The following MTFR1L variants were observed in gnomAD, a reference collection of about 807,000 sequenced individuals.
MTFR1L encodes the protein mitochondrial fission regulator 1 like, also known as mitochondrial fission regulator 1-like.
In MTFR1L, 10 loss-of-function variants were observed where a neutral mutation model predicts 27.9. That is an observed-to-expected ratio of 0.36 (90% CI 0.22 to 0.61). The LOEUF (loss-of-function observed/expected upper bound fraction) is 0.61, where lower values mean the gene tolerates loss of function less well. Among genes scored for constraint, MTFR1L ranks in the 20% least tolerant of loss-of-function variants. The probability of loss-of-function intolerance (pLI) is 0.73; values close to 1 mark genes in which losing one functional copy is unlikely to be tolerated. For missense variants in MTFR1L, 315 were observed against 363.7 expected (o/e 0.87, Z 1.09); for synonymous variants, 151 against 139.4 (o/e 1.08, Z -0.58).
At position 25,832,258 on chromosome 1, in the gene MTFR1L, G is replaced by T; in HGVS notation, c.*232G>T. 1 of 1,240,270 alleles carries T rather than the reference G, an allele frequency of 8.1e-7. No homozygotes were observed. The highest frequency in any genetic ancestry group is 1.9e-4 in the Middle Eastern group (1 of 5,274). The allele number at this position is 1,240,270 out of a possible 1,614,324, so 76.8% of individuals were successfully genotyped here. A position where few individuals can be genotyped will look rare whatever the true frequency, so the allele number is the denominator to read the frequency against. On this transcript the variant is annotated 3_prime_UTR_variant, in exon 7 of 7. Coordinates refer to ENST00000374303, the MANE Select transcript of MTFR1L (RefSeq NM_001099625.2). ...TGAGACATTTGTTTCAGGTAATCGTGTAGAATGAAGTATCTTAGTTTAAAG... is the reference window on the plus strand; with the variant it reads ...TGAGACATTTGTTTCAGGTAATCGTTTAGAATGAAGTATCTTAGTTTAAAG...
In MTFR1L at chr1:25,832,180, A is replaced by G; in HGVS notation, c.*154A>G. On this transcript the variant is annotated 3_prime_UTR_variant, in exon 7 of 7. Coordinates refer to ENST00000374303, the MANE Select transcript of MTFR1L (RefSeq NM_001099625.2). The stretch of plus-strand genomic sequence containing the variant: ...TGGACTGAAAGAGAAGAGCTGGATT[A>G]TATATTTCCCAGACTTCAAACCCTA... 6.5e-7 allele frequency: 1 copy of G among 1,542,786 alleles called. No homozygotes were observed. The highest frequency in any genetic ancestry group is 8.7e-7 in the Non-Finnish European group (1 of 1,148,710).
At chr1:25,820,852 G>C in intron 1 of MTFR1L, 1 of 380,080 alleles carries the variant, frequency 2.6e-6, no homozygotes, top group Non-Finnish European at 5.0e-6. Flanking sequence ...CTCTCGCGAG[G>C]ACTCCGAGGG....
rs762953659 is a variant in MTFR1L at position 25,829,548 on chromosome 1, G to T, written c.491G>T (p.Ser164Ile). The T allele has an allele frequency of 2.1e-5, 34 of 1,614,130 alleles. No individual in the cohort carries two copies. The highest frequency in any genetic ancestry group is 2.7e-5 in the Non-Finnish European group (32 of 1,180,006). ...ACGCCAGATTTCTTATCTCCAGGAA[G>T]TTCAAATGTCTCTTCTCCCTTACCT... ...SLTPDFLSPGSSNVSSPLPCF... is the reference protein window; with the variant it reads ...SLTPDFLSPGISNVSSPLPCF... Residue 164 changes from serine (S) to isoleucine (I), a missense_variant, in exon 6 of 7, where the codon AGT becomes ATT. Physicochemically the swap from Ser to Ile is moderately radical, Grantham distance 142. Coordinates refer to ENST00000374303, the MANE Select transcript of MTFR1L (RefSeq NM_001099625.2).
At position 25,832,627 on chromosome 1, in the gene MTFR1L, T is replaced by C. The variant is rs1314872256; in HGVS notation, c.*601T>C. The C allele has an allele frequency of 6.0e-6, 1 of 167,858 alleles. No homozygotes were observed. Among genetic ancestry groups the C allele is most frequent in the Non-Finnish European group, 1.3e-5 (1 of 75,348 alleles). The allele number at this position is 167,858 out of a possible 1,614,324, so 10.4% of individuals were successfully genotyped here. ...GCTGGGAAGCCTGGGCTGTTTTTTT[T>C]CTTAAACACATTTTATATTACTGAA... On this transcript the variant is annotated 3_prime_UTR_variant, in exon 7 of 7. Coordinates refer to ENST00000374303, the MANE Select transcript of MTFR1L (RefSeq NM_001099625.2).
rs1251378901 is a variant in MTFR1L, at chr1:25,819,987, G to GGAGGGGCCGTGAGGTGA, written c.-125_-109dup. On this transcript the variant is annotated 5_prime_UTR_variant, in exon 1 of 7. Coordinates refer to ENST00000374303, the MANE Select transcript of MTFR1L (RefSeq NM_001099625.2). ...TGAGGCTGGGCGGCCCAAGGTGGAA[G>GGAGGGGCCGTGAGGTGA]GAGGGGCCGTGAGGTGAGAGAGTCC... 3.0e-6 allele frequency: 1 copy of GGAGGGGCCGTGAGGTGA among 333,292 alleles called. No individual in the cohort carries two copies. The highest frequency in any genetic ancestry group is 5.8e-6 in the Non-Finnish European group (1 of 173,048). 20.6% of individuals were successfully genotyped at this position (333,292 alleles called of 1,614,324 possible). A position where few individuals can be genotyped will look rare whatever the true frequency, so the allele number is the denominator to read the frequency against.
chr1:25,820,791 G>C (rs750168056), intron 1 of MTFR1L: 4 of 437,710 alleles, frequency 9.1e-6, no homozygotes, highest in African/African-American at 4.2e-5. Flanking sequence ...AGCGCTCACT[G>C]TGTCCTAGGC....
rs1461585854 is a variant in MTFR1L, at chr1:25,832,404, C to CT, written c.*378_*379insT. 7 of 444,836 alleles carry CT rather than the reference C, an allele frequency of 1.6e-5. No individual in the cohort carries two copies. Among genetic ancestry groups the CT allele is most frequent in the Non-Finnish European group, 2.7e-5 (7 of 260,760 alleles). The allele number at this position is 444,836 out of a possible 1,614,324, so 27.6% of individuals were successfully genotyped here. ...CACAAGACACTTTGTGCCCAGCTGT[C>CT]ACTCACTCAGCAGCTTCCTTGCAGC... On this transcript the variant is annotated 3_prime_UTR_variant, in exon 7 of 7. Coordinates refer to ENST00000374303, the MANE Select transcript of MTFR1L (RefSeq NM_001099625.2).
chr1:25,826,265 G>T lies in MTFR1L; in HGVS notation c.130-37G>T. ...TGCAGTTTCTGATTGGCTCATCATG[G>T]CATCTGTAAATGTTGATGACTTTTG... is the stretch of plus-strand genomic sequence containing the variant. On this transcript the variant is annotated intron_variant, in intron 3 of 6. Transcript: ENST00000374303. This position sits in a 1 kb window ranked among gnomAD's most constrained non-coding sequence, Gnocchi z 4.1. 1.9e-6 allele frequency: 3 copies of T among 1,574,862 alleles called. No homozygotes were observed. The highest frequency in any genetic ancestry group is 1.7e-4 in the Middle Eastern group (1 of 5,986).
In MTFR1L at chr1:25,826,668, T is replaced by C; in HGVS notation, c.293T>C (p.Met98Thr). ...TGGAAACCCAGCCCTCTGATTGTCATGCAGCGCAATGCCTCTGTTCCCAAC... is the reference window on the plus strand; with the variant it reads ...TGGAAACCCAGCCCTCTGATTGTCACGCAGCGCAATGCCTCTGTTCCCAAC... ...HTWKPSPLIV[M>T]QRNASVPNLR... Residue 98 changes from methionine to threonine, a missense_variant, in exon 5 of 7, where the codon ATG (methionine) becomes ACG (threonine). Met to Thr is a moderately conservative substitution (Grantham distance 81). Coordinates refer to ENST00000374303, the MANE Select transcript of MTFR1L (RefSeq NM_001099625.2). The surrounding 1 kb of genome is among the most constrained non-coding windows in gnomAD (Gnocchi z 4.1). 2.5e-6 allele frequency: 4 copies of C among 1,614,184 alleles called. No homozygotes were observed. Among genetic ancestry groups the C allele is most frequent in the South Asian group, 2.2e-5 (2 of 91,088 alleles).
chr1:25,829,868 C>G, intron 6 of MTFR1L, 38 bp downstream of exon 6: 1 of 1,528,350 alleles, frequency 6.5e-7, no homozygotes. Context: ...TCTATTTACT[C>G]AGAGTTGCCC....
At position 25,820,049 on chromosome 1, in the gene MTFR1L, G is replaced by A. The variant is rs1043452318; in HGVS notation, c.-87+20G>A. Reference sequence around the variant, plus strand: ...CTTGAGGTGAGAAAGGTTCTAGGGAGGCGCGGAGGCGGGAGCGCGACCTTC... The same window carrying A: ...CTTGAGGTGAGAAAGGTTCTAGGGAAGCGCGGAGGCGGGAGCGCGACCTTC... On this transcript the variant is annotated intron_variant, in intron 1 of 6. Coordinates refer to ENST00000374303, the MANE Select transcript of MTFR1L (RefSeq NM_001099625.2). 1.0e-5 allele frequency: 4 copies of A among 397,498 alleles called. No individual in the cohort carries two copies. The highest frequency in any genetic ancestry group is 2.0e-5 in the Non-Finnish European group (4 of 204,894). The allele number at this position is 397,498 out of a possible 1,614,324, so 24.6% of individuals were successfully genotyped here.
At chr1:25,822,694 T>C (rs1338910833) in intron 1 of MTFR1L, 2 of 372,458 alleles carry the variant, frequency 5.4e-6, no homozygotes, top group Admixed American at 4.4e-5. Flanking sequence ...ACCTGGCTAA[T>C]TTTTTGTATT....
chr1:25,824,131 C>G (rs993549770), intron 3 of MTFR1L, among the ~76,000 whole-genome samples: 1 of 152,210 alleles, frequency 6.6e-6, no homozygotes, highest in Non-Finnish European at 1.5e-5. Context: ...CTGCCTCAGC[C>G]TCCTATGTAG....
intron 1 of MTFR1L, chr1:25,820,691 C>A (rs1308131253): frequency 2.3e-6 from 1 of 427,752 alleles, no homozygotes; most frequent in African/African-American, 2.1e-5. Context: ...GCCGGCGAAC[C>A]GGGGGAAGAT....
intron 6 of MTFR1L, among the ~76,000 whole-genome samples, chr1:25,830,349 A>G (rs1463926770): frequency 6.6e-6 from 1 of 152,238 alleles, no homozygotes; most frequent in African/African-American, 2.4e-5. Flanking sequence ...AGTAGTTCCG[A>G]AACCTAGCTG....
Position 25,826,662 on chromosome 1 carries a change from T to C in MTFR1L, c.287T>C (p.Ile96Thr), listed in dbSNP as rs954930920. 1.2e-6 allele frequency: 2 copies of C among 1,614,202 alleles called. No individual in the cohort carries two copies. Among genetic ancestry groups the C allele is most frequent in the South Asian group, 1.1e-5 (1 of 91,092 alleles). Residue 96 changes from isoleucine (I) to threonine (T), a missense_variant, in exon 5 of 7, where the codon ATT (isoleucine) becomes ACT (threonine). Coordinates refer to ENST00000374303, the MANE Select transcript of MTFR1L (RefSeq NM_001099625.2). This position sits in a 1 kb window ranked among gnomAD's most constrained non-coding sequence, Gnocchi z 4.1. ...CACACCTGGAAACCCAGCCCTCTGA[T>C]TGTCATGCAGCGCAATGCCTCTGTT... ...LRHTWKPSPL[I>T]VMQRNASVPN...
At chr1:25,823,293 A>T (rs149156102) in intron 2 of MTFR1L, 165 bp downstream of exon 2, 2 of 781,322 alleles carry the variant, frequency 2.6e-6, no homozygotes, top group Non-Finnish European at 2.3e-6. Flanking sequence ...AGAAGAACCA[A>T]CTATGATCCT....
intron 2 of MTFR1L, 64 bp from the exon 3 acceptor site, chr1:25,823,580 A>G (rs745597185): frequency 1.6e-5 from 26 of 1,581,328 alleles, no homozygotes; most frequent in African/African-American, 9.5e-5. Context: ...TAGAGAGGAG[A>G]GGACAAGGAC....
At position 25,822,778 on chromosome 1, in the gene MTFR1L, G is replaced by A. The variant is rs1007117778; in HGVS notation, c.-86-241G>A. ...CCTGACCTCGTGATCCGCCCACCTC[G>A]GCCTCCCAAAGTGCTGGGATTACAG... On this transcript the variant is annotated intron_variant, in intron 1 of 6. Coordinates refer to ENST00000374303, the MANE Select transcript of MTFR1L (RefSeq NM_001099625.2). 3.8e-5 allele frequency: 22 copies of A among 585,530 alleles called. 1 individual carries two copies. The highest frequency in any genetic ancestry group is 2.1e-4 in the Admixed American group (7 of 32,592). 36.3% of individuals were successfully genotyped at this position (585,530 alleles called of 1,614,324 possible).
Sources: allele counts gnomAD v4.1 joint callset (sites outside exome capture counted in the v4.1 genomes callset), GRCh38; gene constraint gnomAD v4.1.1; non-coding constraint Gnocchi (gnomAD v3.1); transcripts MANE v1.5; gene names NCBI Gene and HGNC (gene_info 2026-07-23, HGNC 2026-07-21).